The following SLC25A26 variants were observed in gnomAD, a reference collection of about 807,000 sequenced individuals.
SLC25A26 encodes the protein solute carrier family 25 member 26, also known as mitochondrial S-adenosylmethionine carrier protein.
A neutral mutation model predicts 37.8 loss-of-function variants in SLC25A26; 36 were observed. The observed-to-expected ratio is 0.95, with a 90% CI of 0.73 to 1.26. The LOEUF (loss-of-function observed/expected upper bound fraction) is 1.26. Among genes scored for constraint, SLC25A26 ranks in the 50% most tolerant of loss-of-function variants. The pLI is 0.00. For missense variants in SLC25A26, 390 were observed against 331.1 expected (o/e 1.18, Z -1.38); for synonymous variants, 129 against 122.5 (o/e 1.05, Z -0.35).
chr3:66,273,542 A>T (rs1454111313), intron 5 of SLC25A26, among the ~76,000 whole-genome samples: 7 of 152,202 alleles, frequency 4.6e-5, no homozygotes, highest in Non-Finnish European at 7.4e-5. Context: ...GCTGATAAGC[A>T]ACTTCAGCAA....
chr3:66,262,209 A>G lies in SLC25A26; in HGVS notation c.405+54A>G, dbSNP rs551841478. The G allele has an allele frequency of 1.2e-5, 11 of 918,908 alleles. No homozygotes were observed. The East Asian group carries it at 2.2e-4, about 18-fold the overall frequency. 56.9% of individuals were successfully genotyped at this position (918,908 alleles called of 1,614,324 possible). Reference sequence around the variant, plus strand: ...TCTTTATTAAGATTTTATAGTAGCTAATACGAACACTGTGGATTTCATCCT... The same window carrying G: ...TCTTTATTAAGATTTTATAGTAGCTGATACGAACACTGTGGATTTCATCCT... On this transcript the variant is annotated intron_variant, in intron 4 of 9. Coordinates refer to ENST00000354883, the MANE Select transcript of SLC25A26 (RefSeq NM_001379210.1).
chr3:66,264,939 A>C (rs905363995), intron 5 of SLC25A26, among the ~76,000 whole-genome samples: 1 of 152,224 alleles, frequency 6.6e-6, no homozygotes, highest in Non-Finnish European at 1.5e-5. Context: ...GATTCAACAC[A>C]TGGGAAATTT....
chr3:66,208,870 G>GTT, intron 1 of SLC25A26, among the ~76,000 whole-genome samples: 1 of 55,902 alleles, frequency 1.8e-5, no homozygotes, highest in East Asian at 4.0e-4. Flanking sequence ...ATGGGTGTGT[G>GTT]TATATATATA....
chr3:66,336,642 A>C (rs1281955401), intron 5 of SLC25A26, among the ~76,000 whole-genome samples: 1 of 152,210 alleles, frequency 6.6e-6, no homozygotes, highest in Admixed American at 6.5e-5. Context: ...GTACTGCTTA[A>C]CATACTGGAA....
At position 66,338,511 on chromosome 3, in the gene SLC25A26, A is replaced by T. The variant is rs57197207; in HGVS notation, c.454-7853A>T. Reference sequence around the variant, plus strand: ...AGCACCTCATTGCGGCTTCTAAAAAAAAATTTTTATATCGTGGTAAAATTG... The same window carrying T: ...AGCACCTCATTGCGGCTTCTAAAAATAAATTTTTATATCGTGGTAAAATTG... On this transcript the variant is annotated intron_variant, in intron 5 of 9. Transcript: ENST00000354883. Among the ~76,000 whole-genome samples the T allele has an allele frequency of 3.7e-3, 561 of 152,144 alleles. 4 individuals carry two copies. The highest frequency in any genetic ancestry group is 0.013 in the African/African-American group (525 of 41,544).
chr3:66,305,612 C>T (rs1246478368), intron 5 of SLC25A26, among the ~76,000 whole-genome samples: 1 of 151,974 alleles, frequency 6.6e-6, no homozygotes, highest in Non-Finnish European at 1.5e-5. Flanking sequence ...CTCCCCTTCC[C>T]CCCACCCCAC....
chr3:66,210,960 C>T (rs2106836780), intron 1 of SLC25A26, among the ~76,000 whole-genome samples: 1 of 152,338 alleles, frequency 6.6e-6, no homozygotes, highest in Non-Finnish European at 1.5e-5. Context: ...AGAAATAAAA[C>T]ATGTGAATAG....
chr3:66,279,181 G>C (rs930852785), intron 5 of SLC25A26, among the ~76,000 whole-genome samples: 3 of 151,974 alleles, frequency 2.0e-5, no homozygotes, highest in Non-Finnish European at 4.4e-5. Flanking sequence ...ATTATTTTTA[G>C]GTATGACAAC....
intron 5 of SLC25A26, among the ~76,000 whole-genome samples, chr3:66,288,421 C>T (rs544702296): frequency 5.9e-5 from 9 of 152,196 alleles, no homozygotes; most frequent in African/African-American, 2.4e-5. Flanking sequence ...TTTGCTGCAA[C>T]CATCAACCCG....
chr3:66,290,927 G>A (rs1274581195), intron 5 of SLC25A26, among the ~76,000 whole-genome samples: 1 of 152,164 alleles, frequency 6.6e-6, no homozygotes, highest in Non-Finnish European at 1.5e-5. Context: ...GAATTCGGCT[G>A]TGAATCCGTC....
At chr3:66,230,635 C>T (rs554005936) in intron 1 of SLC25A26, among the ~76,000 whole-genome samples, 1 of 150,638 alleles carries the variant, frequency 6.6e-6, no homozygotes, top group Admixed American at 6.6e-5. Flanking sequence ...GAAACCCTGT[C>T]TCTACTAAAA....
chr3:66,369,036 AAAAAAAACAAAAAC>A (rs1396005109), intron 7 of SLC25A26, among the ~76,000 whole-genome samples: 1 of 47,588 alleles, frequency 2.1e-5, no homozygotes, highest in South Asian at 7.1e-4. Flanking sequence ...AAAAAAAAAA[AAAAAAAACAAAAAC>A]AAAAAAAAAA....
chr3:66,361,801 G>A (rs548713267), intron 6 of SLC25A26, among the ~76,000 whole-genome samples: 1 of 151,898 alleles, frequency 6.6e-6, no homozygotes, highest in East Asian at 1.9e-4. Context: ...CCGTGTCTAG[G>A]ACTAAAAATA....
chr3:66,370,841 CAT>C (rs1255027523), intron 9 of SLC25A26, among the ~76,000 whole-genome samples: 6 of 152,354 alleles, frequency 3.9e-5, no homozygotes, highest in African/African-American at 7.2e-5. Flanking sequence ...ATGAAATTCA[CAT>C]GTGTGGCTCT....
At position 66,274,931 on chromosome 3, in the gene SLC25A26, G is replaced by A. The variant is rs1263820539; in HGVS notation, c.453+11552G>A. On this transcript the variant is annotated intron_variant, in intron 5 of 9. Coordinates refer to ENST00000354883, the MANE Select transcript of SLC25A26 (RefSeq NM_001379210.1). Reference sequence around the variant, plus strand: ...TACCCAAAGGACTATAAATCATGCTGCTATAAAGACACATGCAAACGTATG... The same window carrying A: ...TACCCAAAGGACTATAAATCATGCTACTATAAAGACACATGCAAACGTATG... 6.6e-5 allele frequency among the ~76,000 whole-genome samples: 10 copies of A among 151,984 alleles called. 1 individual carries two copies. Among genetic ancestry groups the A allele is most frequent in the Admixed American group, 6.6e-4 (10 of 15,242 alleles).
chr3:66,311,390 GTAACCTTTTATCA>G (rs2075373013), intron 5 of SLC25A26, among the ~76,000 whole-genome samples: 1 of 151,928 alleles, frequency 6.6e-6, no homozygotes, highest in African/African-American at 2.4e-5. Flanking sequence ...AGCTGTTCCT[GTAACCTTTTATCA>G]AGGTTCTTAG....
chr3:66,228,436 G>C (rs1468464207), intron 1 of SLC25A26, among the ~76,000 whole-genome samples: 7 of 152,140 alleles, frequency 4.6e-5, no homozygotes, highest in African/African-American at 1.7e-4. Context: ...TAAATCTTTT[G>C]TAATACAGAC....
At chr3:66,354,830 A>G (rs2076538467) in intron 6 of SLC25A26, among the ~76,000 whole-genome samples, 1 of 152,174 alleles carries the variant, frequency 6.6e-6, no homozygotes, top group African/African-American at 2.4e-5. Context: ...TTAAAAAACA[A>G]GAGTTTGCCT....
intron 1 of SLC25A26, among the ~76,000 whole-genome samples, chr3:66,234,011 G>T (rs540374449): frequency 1.4e-4 from 21 of 152,230 alleles, no homozygotes; most frequent in African/African-American, 4.8e-4. Context: ...TAATCTAGTC[G>T]CACGAGACAT....
Sources: gnomAD v4.1 joint callset for allele counts (sites outside exome capture counted in the v4.1 genomes callset) on GRCh38, gnomAD v4.1.1 for gene constraint, MANE v1.5 for transcripts, NCBI Gene and HGNC (gene_info 2026-07-23, HGNC 2026-07-21) for gene names.